DERA: variants seen among roughly 807,000 people sequenced by gnomAD.
The protein encoded by DERA is 2-deoxy-D-ribose 5-phosphate aldolase.
DERA carries 15 observed loss-of-function variants against 41.1 expected under a neutral mutation model. The ratio of observed to expected loss-of-function variants is 0.37; its 90% CI spans 0.24 to 0.56. DERA has a LOEUF of 0.56. Ranked by LOEUF, DERA falls within the 20% of genes least tolerant of loss-of-function variation. The probability of loss-of-function intolerance (pLI) is 0.81; values close to 1 mark genes in which losing one functional copy is unlikely to be tolerated. For missense variants in DERA, 396 were observed against 403.4 expected, an observed-to-expected ratio of 0.98 and a Z score of 0.16; for synonymous variants, 139 against 137.4, an observed-to-expected ratio of 1.01 and a Z score of -0.08.
rs553120111 is a variant in DERA, at chr12:15,981,507, CA to C, written c.509-797del. On this transcript the variant is annotated intron_variant, in intron 5 of 8. Transcript: ENST00000428559. The surrounding 1 kb of genome is among the most constrained non-coding windows in gnomAD (Gnocchi z 6.1). Reference sequence around the variant, plus strand: ...AGCCAAAATTCACTAGTATCATTGACAAAAGACTTAAATAATTTTTTAAAGA... The same window carrying C: ...AGCCAAAATTCACTAGTATCATTGACAAAGACTTAAATAATTTTTTAAAGA... Among the ~76,000 whole-genome samples, 195 of 152,276 alleles carry C rather than the reference CA, an allele frequency of 1.3e-3. 1 individual carries two copies. The highest frequency in any genetic ancestry group is 4.4e-3 in the African/African-American group (182 of 41,562).
intron 1 of DERA, among the ~76,000 whole-genome samples, chr12:15,927,525 A>G (rs979441030): frequency 5.3e-5 from 8 of 152,198 alleles, no homozygotes; most frequent in Non-Finnish European, 2.9e-5. Context: ...ATATTTGCTT[A>G]AAAAGTTAGG....
Position 15,965,810 on chromosome 12 carries a change from G to C in DERA, c.508+2863G>C, listed in dbSNP as rs1182358305. Among the ~76,000 whole-genome samples, 2 of 152,028 alleles carry C rather than the reference G, an allele frequency of 1.3e-5. No individual in the cohort carries two copies. The highest frequency in any genetic ancestry group is 4.8e-5 in the African/African-American group (2 of 41,370). ...AGCTCCCTCCAGGTCCTTGCATCAG[G>C]GCTGCTTTTCTTTGCTTCTTCCTTT... On this transcript the variant is annotated intron_variant, in intron 5 of 8. Transcript: ENST00000428559. The surrounding 1 kb of genome is among the most constrained non-coding windows in gnomAD (Gnocchi z 4.1).
rs1948964812 is a variant in DERA at position 16,014,110 on chromosome 12, G to C, written c.638-18432G>C. ...TTTGGAATTGGAACTTAGTTTAAAAGGGAAGCAGAGCATAAAAGTTTAGAA... is the reference window on the plus strand; with the variant it reads ...TTTGGAATTGGAACTTAGTTTAAAACGGAAGCAGAGCATAAAAGTTTAGAA... On this transcript the variant is annotated intron_variant, in intron 6 of 8. Coordinates refer to ENST00000428559, the MANE Select transcript of DERA (RefSeq NM_015954.4). The surrounding 1 kb of genome is among the most constrained non-coding windows in gnomAD (Gnocchi z 5.4). Among the ~76,000 whole-genome samples, 1 of 152,150 alleles carries C rather than the reference G, an allele frequency of 6.6e-6. No individual in the cohort carries two copies. The highest frequency in any genetic ancestry group is 6.5e-5 in the Admixed American group (1 of 15,276).
At chr12:16,029,156 C>A (rs953222087) in intron 6 of DERA, among the ~76,000 whole-genome samples, 7 of 152,098 alleles carry the variant, frequency 4.6e-5, no homozygotes, top group African/African-American at 1.7e-4. Context: ...ACAAACTGGC[C>A]GGGCGCGGTG....
At chr12:15,991,286 C>T (rs1948800463) in intron 6 of DERA, among the ~76,000 whole-genome samples, 1 of 152,144 alleles carries the variant, frequency 6.6e-6, no homozygotes, top group Admixed American at 6.5e-5. Flanking sequence ...ATCCTTTGCC[C>T]ACTTTTTAAT....
chr12:16,036,515 C>T lies in DERA; in HGVS notation c.900+134C>T. The T allele has an allele frequency of 1.0e-5, 12 of 1,166,312 alleles. No homozygotes were observed. The highest frequency in any genetic ancestry group is 1.4e-5 in the Non-Finnish European group (12 of 837,306). 72.2% of individuals were successfully genotyped at this position (1,166,312 alleles called of 1,614,324 possible). A position where few individuals can be genotyped will look rare whatever the true frequency, so the allele number is the denominator to read the frequency against. On this transcript the variant is annotated intron_variant, in intron 8 of 8. Coordinates refer to ENST00000428559, the MANE Select transcript of DERA (RefSeq NM_015954.4). The surrounding 1 kb of genome is among the most constrained non-coding windows in gnomAD (Gnocchi z 4.9). ...CCTACCCAATCCTCTACCTTTTCTT[C>T]CAAGCAAACCGCCATCAGAAGTGAG...
intron 5 of DERA, among the ~76,000 whole-genome samples, chr12:15,978,713 A>G (rs939471219): frequency 6.6e-6 from 1 of 152,042 alleles, no homozygotes; most frequent in Admixed American, 6.6e-5. Context: ...AAGAGGTTTT[A>G]TTTTATGTTC....
At position 15,999,929 on chromosome 12, in the gene DERA, T is replaced by A. The variant is rs1018640088; in HGVS notation, c.637+17493T>A. 6.6e-6 allele frequency among the ~76,000 whole-genome samples: 1 copy of A among 152,130 alleles called. No individual in the cohort carries two copies. The highest frequency in any genetic ancestry group is 1.5e-5 in the Non-Finnish European group (1 of 68,026). ...AGGGACATAACCTTTGGGCAATGTG[T>A]TTAGGCTGGAGACAGGAAGGCCATT... On this transcript the variant is annotated intron_variant, in intron 6 of 8. Transcript: ENST00000428559. The surrounding 1 kb of genome is among the most constrained non-coding windows in gnomAD (Gnocchi z 5.3).
chr12:15,987,230 CT>C (rs995016192), intron 6 of DERA, among the ~76,000 whole-genome samples: 4,208 of 85,376 alleles, frequency 0.049, 30 homozygotes, highest in Non-Finnish European at 0.075. Context: ...TATATATGTA[CT>C]TTTTTTTTTT....
chr12:16,023,019 A>T (rs969528990), intron 6 of DERA, among the ~76,000 whole-genome samples: 1 of 152,152 alleles, frequency 6.6e-6, no homozygotes, highest in African/African-American at 2.4e-5. Context: ...CGCTTGAGAG[A>T]AGGGCATTTC....
intron 6 of DERA, among the ~76,000 whole-genome samples, chr12:16,018,942 C>A (rs1034792507): frequency 6.6e-6 from 1 of 152,030 alleles, no homozygotes; most frequent in Non-Finnish European, 1.5e-5. Context: ...GATGAAAGAA[C>A]ATTTATAGGG....
chr12:15,976,779 A>G lies in DERA; in HGVS notation c.509-5529A>G, dbSNP rs1948700420. Among the ~76,000 whole-genome samples, 1 of 152,156 alleles carries G rather than the reference A, an allele frequency of 6.6e-6. No individual in the cohort carries two copies. Among genetic ancestry groups the G allele is most frequent in the Non-Finnish European group, 1.5e-5 (1 of 68,034 alleles). On this transcript the variant is annotated intron_variant, in intron 5 of 8. Coordinates refer to ENST00000428559, the MANE Select transcript of DERA (RefSeq NM_015954.4). This position sits in a 1 kb window ranked among gnomAD's most constrained non-coding sequence, Gnocchi z 4.1. ...ATTTGAGAAGGGTTTGAGCTGTAAA[A>G]ATAAAGCTCTCCTATCTAATCTTGA... is the stretch of plus-strand genomic sequence containing the variant.
chr12:15,939,352 T>C (rs1322606320), intron 1 of DERA, among the ~76,000 whole-genome samples: 2 of 152,100 alleles, frequency 1.3e-5, no homozygotes, highest in Non-Finnish European at 2.9e-5. Flanking sequence ...TCAGGAGAAA[T>C]AGAATGACTG....
rs939307809 is a variant in DERA at position 16,036,482 on chromosome 12, G to A, written c.900+101G>A. 8.2e-6 allele frequency: 11 copies of A among 1,343,826 alleles called. No homozygotes were observed. In the African/African-American group the frequency reaches 1.5e-4, roughly 18 times the overall value. The allele number at this position is 1,343,826 out of a possible 1,614,324, so 83.2% of individuals were successfully genotyped here. On this transcript the variant is annotated intron_variant, in intron 8 of 8. Transcript: ENST00000428559. This position sits in a 1 kb window ranked among gnomAD's most constrained non-coding sequence, Gnocchi z 4.9. ...ACTGGAGATAAAAACTCATCTGATT[G>A]ACCTCATCCTACCCAATCCTCTACC... is the stretch of plus-strand genomic sequence containing the variant.
At position 16,026,809 on chromosome 12, in the gene DERA, AATTACTCCAAAACC is replaced by A. The variant is rs903291605; in HGVS notation, c.638-5717_638-5704del. On this transcript the variant is annotated intron_variant, in intron 6 of 8. Coordinates refer to ENST00000428559, the MANE Select transcript of DERA (RefSeq NM_015954.4). The surrounding 1 kb of genome is among the most constrained non-coding windows in gnomAD (Gnocchi z 4.4). Reference sequence around the variant, plus strand: ...AGAGAGAACACTCATTCTGTGAGACAATTACTCCAAAACCATTACTCCAAAACCAGATAAAGACA... The same window carrying A: ...AGAGAGAACACTCATTCTGTGAGACAATTACTCCAAAACCAGATAAAGACA... Among the ~76,000 whole-genome samples, 4 of 152,118 alleles carry A rather than the reference AATTACTCCAAAACC, an allele frequency of 2.6e-5. No individual in the cohort carries two copies. Among genetic ancestry groups the A allele is most frequent in the African/African-American group, 7.2e-5 (3 of 41,450 alleles).
At chr12:16,002,638 A>C (rs1454957473) in intron 6 of DERA, among the ~76,000 whole-genome samples, 2 of 152,158 alleles carry the variant, frequency 1.3e-5, no homozygotes, top group East Asian at 3.9e-4. Context: ...AGCAAATTCT[A>C]AGTGTATAAT....
chr12:15,953,143 GA>G (rs1948511067), intron 1 of DERA, among the ~76,000 whole-genome samples: 1 of 152,156 alleles, frequency 6.6e-6, no homozygotes, highest in African/African-American at 2.4e-5. Flanking sequence ...CGGTGAATCA[GA>G]AATCTCCACT....
chr12:16,002,568 TCTC>T (rs776879753), intron 6 of DERA, among the ~76,000 whole-genome samples: 16 of 152,280 alleles, frequency 1.1e-4, no homozygotes, highest in East Asian at 9.7e-4. Context: ...CACGTACTCA[TCTC>T]CTCATGTGGT....
At chr12:16,015,476 T>G (rs1220576930) in intron 6 of DERA, among the ~76,000 whole-genome samples, 1 of 152,214 alleles carries the variant, frequency 6.6e-6, no homozygotes, top group African/African-American at 2.4e-5. Flanking sequence ...GTGCCTAGCT[T>G]CCTTTTCATC....
Sources: gnomAD v4.1 joint callset for allele counts (sites outside exome capture counted in the v4.1 genomes callset) on GRCh38, gnomAD v4.1.1 for gene constraint, Gnocchi (gnomAD v3.1) non-coding constraint, MANE v1.5 for transcripts, NCBI Gene and HGNC (gene_info 2026-07-23, HGNC 2026-07-21) for gene names.